The following THRB variants were observed in gnomAD, a reference collection of about 807,000 sequenced individuals.
THRB encodes nuclear receptor subfamily 1 group A member 2.
Under a neutral mutation model 47.8 loss-of-function variants are expected in THRB, and 12 were observed. That is an observed-to-expected ratio of 0.25 (90% confidence interval 0.16 to 0.41). The LOEUF (loss-of-function observed/expected upper bound fraction) is 0.41. Among genes scored for constraint, THRB ranks in the 10% least tolerant of loss-of-function variants. The pLI is 1.00. For missense variants in THRB, 348 were observed against 589.2 expected, an observed-to-expected ratio of 0.59 and a Z score of 4.24; for synonymous variants, 218 against 212.2, an observed-to-expected ratio of 1.03 and a Z score of -0.24.
intron 10 of THRB, among the ~76,000 whole-genome samples, chr3:24,124,672 T>A (rs1207807099): frequency 6.6e-6 from 1 of 152,236 alleles, no homozygotes; most frequent in Non-Finnish European, 1.5e-5. Flanking sequence ...CAGATCATTT[T>A]CATTTTTTCT....
intron 3 of THRB, among the ~76,000 whole-genome samples, chr3:24,231,883 A>T (rs1463959233): frequency 6.6e-6 from 1 of 152,244 alleles, no homozygotes; most frequent in Non-Finnish European, 1.5e-5. Context: ...AAGTAAAGCA[A>T]GCTGAGTTTC....
chr3:24,290,572 G>C (rs2055819655), intron 3 of THRB, among the ~76,000 whole-genome samples: 3 of 152,158 alleles, frequency 2.0e-5, no homozygotes, highest in African/African-American at 7.2e-5. Context: ...TTGATTCTCT[G>C]ACAACTCAAT....
At chr3:24,311,457 C>T (rs1201921321) in intron 2 of THRB, among the ~76,000 whole-genome samples, 3 of 152,126 alleles carry the variant, frequency 2.0e-5, no homozygotes, top group African/African-American at 4.8e-5. Context: ...CATCTATTTT[C>T]AGAATTTCCA....
intron 3 of THRB, among the ~76,000 whole-genome samples, chr3:24,287,209 C>T (rs2055401572): frequency 6.6e-6 from 1 of 152,118 alleles, no homozygotes; most frequent in Non-Finnish European, 1.5e-5. Context: ...TCGTCCCCTA[C>T]CCAGCGCCTT....
intron 1 of THRB, among the ~76,000 whole-genome samples, chr3:24,415,609 C>A (rs1379733907): frequency 1.3e-5 from 2 of 151,644 alleles, no homozygotes; most frequent in African/African-American, 2.4e-5. Flanking sequence ...TTAATGAATT[C>A]AACGGCACAT....
chr3:24,391,929 G>A (rs1004972190), intron 1 of THRB, among the ~76,000 whole-genome samples: 3 of 152,136 alleles, frequency 2.0e-5, no homozygotes, highest in Admixed American at 6.6e-5. Context: ...GGCACACAGA[G>A]AGGCTACATA....
intron 4 of THRB, among the ~76,000 whole-genome samples, chr3:24,223,036 G>A (rs770053910): frequency 7.9e-5 from 12 of 152,310 alleles, no homozygotes; most frequent in East Asian, 1.9e-4. Flanking sequence ...TGTGGGAAGC[G>A]GAGCCGAGGG....
chr3:24,221,119 A>C (rs1470562712), intron 4 of THRB, among the ~76,000 whole-genome samples: 1 of 152,248 alleles, frequency 6.6e-6, no homozygotes, highest in African/African-American at 2.4e-5. Flanking sequence ...GACTTGAAAG[A>C]AAAGCAAAGA....
At chr3:24,420,425 T>C (rs2069133261) in intron 1 of THRB, among the ~76,000 whole-genome samples, 1 of 151,934 alleles carries the variant, frequency 6.6e-6, no homozygotes, top group South Asian at 2.1e-4. Flanking sequence ...CTGAAGTTCA[T>C]GGTGAGCACT....
At chr3:24,337,754 T>A (rs1273382798) in intron 1 of THRB, among the ~76,000 whole-genome samples, 1 of 152,188 alleles carries the variant, frequency 6.6e-6, no homozygotes, top group African/African-American at 2.4e-5. Context: ...GGAATCCTGC[T>A]TTATCTCAGT....
At chr3:24,323,405 T>G (rs1027861044) in intron 2 of THRB, among the ~76,000 whole-genome samples, 9 of 152,098 alleles carry the variant, frequency 5.9e-5, no homozygotes, top group African/African-American at 1.9e-4. Context: ...CTATGTGGAG[T>G]GCAAGAGCTC....
intron 1 of THRB, among the ~76,000 whole-genome samples, chr3:24,376,932 T>C (rs2065337368): frequency 6.6e-6 from 1 of 151,268 alleles, no homozygotes; most frequent in Admixed American, 6.6e-5. Context: ...CCAAAATATC[T>C]GTCTCATACT....
intron 1 of THRB, among the ~76,000 whole-genome samples, chr3:24,342,124 ACTGATAGAGGGCTTATCC>A (rs1217657431): frequency 6.7e-6 from 1 of 149,594 alleles, no homozygotes; most frequent in Non-Finnish European, 1.5e-5. Context: ...GCACTAGATA[ACTGATAGAGGGCTTATCC>A]CTGTTGCGCT....
chr3:24,452,678 C>A (rs2072781452), intron 1 of THRB, among the ~76,000 whole-genome samples: 1 of 152,012 alleles, frequency 6.6e-6, no homozygotes, highest in African/African-American at 2.4e-5. Context: ...CTGTCCATGA[C>A]CCCTCCTTGC....
At chr3:24,326,639 C>T (rs374971616) in intron 2 of THRB, among the ~76,000 whole-genome samples, 55 of 151,908 alleles carry the variant, frequency 3.6e-4, no homozygotes, top group African/African-American at 9.4e-4. Context: ...TATTTGACAA[C>T]GTGTTTTCCC....
intron 3 of THRB, among the ~76,000 whole-genome samples, chr3:24,277,123 T>G (rs943978448): frequency 6.6e-6 from 1 of 152,164 alleles, no homozygotes; most frequent in Non-Finnish European, 1.5e-5. Context: ...TGTGTCAGGG[T>G]TGGAAGTTGG....
chr3:24,487,616 A>G (rs1697504728), intron 1 of THRB, among the ~76,000 whole-genome samples: 2 of 152,184 alleles, frequency 1.3e-5, no homozygotes, highest in African/African-American at 4.8e-5. Context: ...AAACAATGAC[A>G]GGGTTTGTGG....
chr3:24,171,535 A>T (rs1384892520), intron 5 of THRB, among the ~76,000 whole-genome samples: 2 of 152,182 alleles, frequency 1.3e-5, no homozygotes, highest in Non-Finnish European at 2.9e-5. Flanking sequence ...CTGAATCCCA[A>T]GGGGATGAAG....
chr3:24,411,935 A>T (rs1056917313), intron 1 of THRB, among the ~76,000 whole-genome samples: 1 of 151,836 alleles, frequency 6.6e-6, no homozygotes, highest in Non-Finnish European at 1.5e-5. Context: ...TGAGGGAGAA[A>T]GAAATCAGCA....
Sources: gnomAD v4.1 joint callset for allele counts (sites outside exome capture counted in the v4.1 genomes callset) on GRCh38, gnomAD v4.1.1 for gene constraint, MANE v1.5 for transcripts, NCBI Gene and HGNC (gene_info 2026-07-23, HGNC 2026-07-21) for gene names.